The following AP3B1 variants were observed in gnomAD, a reference collection of about 807,000 sequenced individuals.
AP3B1 encodes the protein AP-3 complex subunit beta-1.
Under a neutral mutation model 132.5 loss-of-function variants are expected in AP3B1, and 61 were observed. That is an observed-to-expected ratio of 0.46 (90% CI 0.37 to 0.57). The LOEUF is 0.57. Ranked by LOEUF, AP3B1 falls within the 20% of genes least tolerant of loss-of-function variation. The pLI is 0.00. For synonymous variants in AP3B1, 388 were observed against 438.3 expected, an observed-to-expected ratio of 0.89 and a Z score of 1.43; for missense variants, 1,120 against 1,289.4, an observed-to-expected ratio of 0.87 and a Z score of 2.01.
At chr5:78,220,899 A>C (rs1746151831) in intron 6 of AP3B1, among the ~76,000 whole-genome samples, 1 of 152,028 alleles carries the variant, frequency 6.6e-6, no homozygotes, top group Admixed American at 6.6e-5. Flanking sequence ...ATTTTTTTTA[A>C]TTAGCTGGGC....
chr5:78,181,515 T>G lies in AP3B1; in HGVS notation c.934A>C (p.Asn312His), dbSNP rs2112414064. 1.9e-6 allele frequency: 3 copies of G among 1,612,826 alleles called. No homozygotes were observed. The East Asian group carries it at 6.7e-5, about 36-fold the overall frequency. ...RNTKPLLQSR[N>H]AAVVMAVAQL... ...TAAGGATTTTAACATACCGCAGCAT[T>G]CCTGCTCTGAAGCAAAGGCTTTGTA... The change falls in exon 8 of 27, where the codon AAT (asparagine) becomes CAT (histidine). Residue 312 changes from asparagine to histidine, a missense_variant. By Grantham distance (68) the Asn-to-His change is moderately conservative (BLOSUM62 1). Around this residue, in one of 3 missense-constraint regions of AP3B1, gnomAD observed 906 missense variants for 997.1 expected, o/e 0.91. Coordinates refer to ENST00000255194, the MANE Select transcript of AP3B1 (RefSeq NM_003664.5).
intron 19 of AP3B1, among the ~76,000 whole-genome samples, chr5:78,112,686 T>C (rs1751648973): frequency 6.6e-6 from 1 of 152,214 alleles, no homozygotes; most frequent in South Asian, 2.1e-4. Context: ...CTGCAACAAG[T>C]GAATGATTCT....
chr5:78,269,690 T>C (rs1436730621), intron 1 of AP3B1, among the ~76,000 whole-genome samples: 1 of 152,170 alleles, frequency 6.6e-6, no homozygotes, highest in Non-Finnish European at 1.5e-5. Flanking sequence ...TAAAGTATGA[T>C]CTGAGAAAGT....
At chr5:78,107,075 C>T (rs750673349) in intron 20 of AP3B1, among the ~76,000 whole-genome samples, 9 of 152,146 alleles carry the variant, frequency 5.9e-5, no homozygotes, top group Non-Finnish European at 1.2e-4. Context: ...AATTCATTCA[C>T]ATCAATTAAT....
intron 8 of AP3B1, among the ~76,000 whole-genome samples, chr5:78,178,661 T>C (rs1209670886): frequency 2.0e-5 from 3 of 152,036 alleles, no homozygotes; most frequent in Non-Finnish European, 2.9e-5. Context: ...AATTTCTTTG[T>C]CTCAAAACAG....
chr5:78,288,556 A>G (rs550363360), intron 1 of AP3B1, among the ~76,000 whole-genome samples: 2 of 152,324 alleles, frequency 1.3e-5, no homozygotes, highest in Middle Eastern at 6.8e-3. Flanking sequence ...ATGCTGTACT[A>G]CAATACAATG....
At chr5:78,235,894 CG>C (rs1746856083) in intron 3 of AP3B1, among the ~76,000 whole-genome samples, 1 of 152,148 alleles carries the variant, frequency 6.6e-6, no homozygotes, top group South Asian at 2.1e-4. Flanking sequence ...TGGTAGATGA[CG>C]TACAGCTCAC....
At chr5:78,000,986 T>C (rs1482259193), downstream of AP3B1, 1 of 152,220 alleles carries the variant, frequency 6.6e-6, no homozygotes, top group East Asian at 1.9e-4. Flanking sequence ...ATACATACTG[T>C]TCACTGATTC....
intron 2 of AP3B1, among the ~76,000 whole-genome samples, chr5:78,262,919 C>T (rs760748627): frequency 7.9e-5 from 12 of 152,134 alleles, no homozygotes; most frequent in Non-Finnish European, 7.3e-5. Flanking sequence ...ATCCTCCTGC[C>T]TCAGCTTCCC....
chr5:78,267,833 C>T (rs894110352), intron 1 of AP3B1, among the ~76,000 whole-genome samples: 1 of 152,132 alleles, frequency 6.6e-6, no homozygotes, highest in African/African-American at 2.4e-5. Flanking sequence ...CTGATTAAGC[C>T]ACCCAGTCTG....
intron 1 of AP3B1, among the ~76,000 whole-genome samples, chr5:78,287,773 G>T (rs1749343721): frequency 6.8e-6 from 1 of 146,034 alleles, no homozygotes; most frequent in Non-Finnish European, 1.5e-5. Flanking sequence ...AAAAAAGTAG[G>T]ATCCAGTTTA....
chr5:78,066,939 G>A (rs1186384430), intron 22 of AP3B1, among the ~76,000 whole-genome samples: 4 of 152,090 alleles, frequency 2.6e-5, no homozygotes. Flanking sequence ...CCTACAAAGG[G>A]AAGCCCATCA....
At chr5:78,065,463 G>A (rs118087134) in intron 22 of AP3B1, among the ~76,000 whole-genome samples, 4,083 of 152,240 alleles carry the variant, frequency 0.027, 168 homozygotes, top group East Asian at 0.14. Flanking sequence ...CCAGGCTGCC[G>A]TTTTCCCCTG....
intron 17 of AP3B1, 93 bp from the exon 18 acceptor site, chr5:78,116,327 A>G (rs1751827687): frequency 8.5e-7 from 1 of 1,181,354 alleles, no homozygotes; most frequent in Non-Finnish European, 1.2e-6. Context: ...ACTGAATTCA[A>G]AAGCAAGCTT....
At chr5:78,020,333 A>T (rs1747037997) in intron 25 of AP3B1, among the ~76,000 whole-genome samples, 1 of 152,140 alleles carries the variant, frequency 6.6e-6, no homozygotes, top group Non-Finnish European at 1.5e-5. Context: ...AAAAATACAG[A>T]AACATAACAA....
At chr5:78,158,302 C>A (rs1164287862) in intron 13 of AP3B1, among the ~76,000 whole-genome samples, 1 of 151,840 alleles carries the variant, frequency 6.6e-6, no homozygotes, top group Admixed American at 6.6e-5. Flanking sequence ...ACAAAAAATC[C>A]AAAAATTAGC....
chr5:78,112,411 T>C (rs1365402170), intron 19 of AP3B1, among the ~76,000 whole-genome samples: 3 of 152,194 alleles, frequency 2.0e-5, no homozygotes, highest in Admixed American at 2.0e-4. Flanking sequence ...CTCTTTGTAA[T>C]AAACAATTCT....
chr5:78,109,333 A>C (rs2112249894), intron 20 of AP3B1, among the ~76,000 whole-genome samples: 1 of 152,286 alleles, frequency 6.6e-6, no homozygotes, highest in South Asian at 2.1e-4. Flanking sequence ...TGTCTACTTC[A>C]ATAAATTAAT....
intron 24 of AP3B1, among the ~76,000 whole-genome samples, chr5:78,024,173 G>A (rs1747227422): frequency 6.6e-6 from 1 of 152,076 alleles, no homozygotes; most frequent in Admixed American, 6.6e-5. Context: ...GTCACATTAA[G>A]AGAAACATGT....
Sources: allele counts gnomAD v4.1 joint callset (sites outside exome capture counted in the v4.1 genomes callset), GRCh38; gene constraint gnomAD v4.1.1; regional missense constraint gnomAD v4.1.1; transcripts MANE v1.5; gene names NCBI Gene and HGNC (gene_info 2026-07-23, HGNC 2026-07-21).